ITPK1: variants seen among roughly 807,000 people sequenced by gnomAD.
The protein encoded by ITPK1 is inositol-tetrakisphosphate 1-kinase, also known as inositol 1,3,4-trisphosphate 5/6-kinase.
ITPK1 carries 21 observed loss-of-function variants against 45.3 expected under a neutral mutation model. That is an observed-to-expected ratio of 0.46 (90% CI 0.33 to 0.67). The LOEUF (loss-of-function observed/expected upper bound fraction) is 0.67. Among genes scored for constraint, ITPK1 ranks in the 30% least tolerant of loss-of-function variants. The pLI is 0.02. For synonymous variants in ITPK1, 258 were observed against 253.6 expected, an observed-to-expected ratio of 1.02 and a Z score of -0.16; for missense variants, 474 against 573.5, an observed-to-expected ratio of 0.83 and a Z score of 1.77.
chr14:93,032,515 C>T lies in ITPK1; in HGVS notation c.121-15714G>A, dbSNP rs575469306. On this transcript the variant is annotated intron_variant, in intron 3 of 10. Coordinates refer to ENST00000267615, the MANE Select transcript of ITPK1 (RefSeq NM_014216.6). This position sits in a 1 kb window ranked among gnomAD's most constrained non-coding sequence, Gnocchi z 4.0. ...TCAGATACTTTAATATGTTCACTTG[C>T]ACAGAGATTTGCAGAGAGGAAGAAG... Among the ~76,000 whole-genome samples the T allele has an allele frequency of 6.6e-6, 1 of 152,316 alleles. No individual in the cohort carries two copies. Among genetic ancestry groups the T allele is most frequent in the African/African-American group, 2.4e-5 (1 of 41,564 alleles).
intron 5 of ITPK1, among the ~76,000 whole-genome samples, chr14:92,972,891 C>A (rs1463295774): frequency 2.0e-5 from 3 of 152,326 alleles, no homozygotes; most frequent in Non-Finnish European, 2.9e-5. Flanking sequence ...GCGCCCAACT[C>A]TTCTCTGACC....
In ITPK1 at chr14:92,939,681, C is replaced by T. The variant is rs1400062574; in HGVS notation, c.*1880G>A. ...TCTGGGCCCTGGACGCGCAAGACCC[C>T]GGAGGCCACAAACGGTACAGGAACA... On this transcript the variant is annotated 3_prime_UTR_variant, in exon 11 of 11. Transcript: ENST00000267615. The T allele has an allele frequency of 2.8e-5, 28 of 985,242 alleles. No homozygotes were observed. Among genetic ancestry groups the T allele is most frequent in the South Asian group, 4.7e-5 (1 of 21,268 alleles). The allele number at this position is 985,242 out of a possible 1,614,324, so 61.0% of individuals were successfully genotyped here.
At chr14:93,033,893 GGA>G (rs2139896095) in intron 3 of ITPK1, among the ~76,000 whole-genome samples, 1 of 152,268 alleles carries the variant, frequency 6.6e-6, no homozygotes, top group South Asian at 2.1e-4. Flanking sequence ...ATGATGCAGG[GGA>G]GGAGACAGAA....
intron 2 of ITPK1, among the ~76,000 whole-genome samples, chr14:93,110,274 G>T (rs745535536): frequency 6.6e-6 from 1 of 152,094 alleles, no homozygotes; most frequent in Non-Finnish European, 1.5e-5. Flanking sequence ...TACTCCCTGT[G>T]CACTGCTGCA....
At chr14:93,029,895 C>G (rs565052934) in intron 3 of ITPK1, among the ~76,000 whole-genome samples, 6 of 152,360 alleles carry the variant, frequency 3.9e-5, no homozygotes, top group African/African-American at 1.4e-4. Flanking sequence ...CTTCGGTGCA[C>G]CACATCTGAC....
rs1399954267 is a variant in ITPK1 at position 92,940,610 on chromosome 14, G to A, written c.*951C>T. ...CATGGTGTCATGCCGAGGCTCCCGCGCCTATCCTCACCTAGGTGACTTTAT... is the reference window on the plus strand; with the variant it reads ...CATGGTGTCATGCCGAGGCTCCCGCACCTATCCTCACCTAGGTGACTTTAT... On this transcript the variant is annotated 3_prime_UTR_variant, in exon 11 of 11. Coordinates refer to ENST00000267615, the MANE Select transcript of ITPK1 (RefSeq NM_014216.6). The A allele has an allele frequency of 5.8e-6, 7 of 1,210,966 alleles. No individual in the cohort carries two copies. The South Asian group carries it at 7.4e-5, about 13-fold the overall frequency. The allele number at this position is 1,210,966 out of a possible 1,614,324, so 75.0% of individuals were successfully genotyped here.
At chr14:93,009,669 C>A (rs1042060625) in intron 4 of ITPK1, among the ~76,000 whole-genome samples, 1 of 152,206 alleles carries the variant, frequency 6.6e-6, no homozygotes, top group Non-Finnish European at 1.5e-5. Context: ...AGGCTGACCT[C>A]ACAGCAACCC....
chr14:93,085,524 A>T (rs1283094328), intron 2 of ITPK1, among the ~76,000 whole-genome samples: 2 of 152,316 alleles, frequency 1.3e-5, no homozygotes, highest in African/African-American at 4.8e-5. Flanking sequence ...AGAGAGACAG[A>T]GTGGGTGACC....
chr14:92,971,984 A>G (rs1387651380), intron 5 of ITPK1, among the ~76,000 whole-genome samples: 1 of 151,978 alleles, frequency 6.6e-6, no homozygotes, highest in African/African-American at 2.4e-5. Context: ...CAGCACCGCG[A>G]CCTCTTCCCA....
At chr14:92,993,726 T>G (rs562372915) in intron 5 of ITPK1, among the ~76,000 whole-genome samples, 154 bp downstream of exon 5, 10 of 152,098 alleles carry the variant, frequency 6.6e-5, no homozygotes, top group Non-Finnish European at 1.3e-4. Flanking sequence ...TGAAAGGACC[T>G]CCCCAGAATG....
chr14:92,995,785 G>C (rs1028448681), intron 4 of ITPK1, among the ~76,000 whole-genome samples: 2 of 152,230 alleles, frequency 1.3e-5, no homozygotes, highest in African/African-American at 4.8e-5. Flanking sequence ...GCCCAAGTCT[G>C]CCGCCCACAT....
Position 92,940,764 on chromosome 14 carries a change from C to T in ITPK1, c.*797G>A. On this transcript the variant is annotated 3_prime_UTR_variant, in exon 11 of 11. Coordinates refer to ENST00000267615, the MANE Select transcript of ITPK1 (RefSeq NM_014216.6). ...CTGGAATGATTTGCCCAAATCACAG[C>T]ACAAATCCTCAGCACAGGCGCCATC... 1 of 1,289,172 alleles carries T rather than the reference C, an allele frequency of 7.8e-7. No individual in the cohort carries two copies. The highest frequency in any genetic ancestry group is 1.0e-6 in the Non-Finnish European group (1 of 988,756). The allele number at this position is 1,289,172 out of a possible 1,614,324, so 79.9% of individuals were successfully genotyped here. A position where few individuals can be genotyped will look rare whatever the true frequency, so the allele number is the denominator to read the frequency against.
At chr14:93,037,693 TG>T (rs1201110086) in intron 3 of ITPK1, among the ~76,000 whole-genome samples, 2 of 152,212 alleles carry the variant, frequency 1.3e-5, no homozygotes, top group African/African-American at 4.8e-5. Flanking sequence ...GAGTGCCACC[TG>T]GGGCTCTAGG....
Position 93,032,522 on chromosome 14 carries a change from A to T in ITPK1, c.121-15721T>A, listed in dbSNP as rs1311643477. On this transcript the variant is annotated intron_variant, in intron 3 of 10. Coordinates refer to ENST00000267615, the MANE Select transcript of ITPK1 (RefSeq NM_014216.6). This position sits in a 1 kb window ranked among gnomAD's most constrained non-coding sequence, Gnocchi z 4.0. ...CTTTAATATGTTCACTTGCACAGAG[A>T]TTTGCAGAGAGGAAGAAGCTGACAC... is the stretch of plus-strand genomic sequence containing the variant. Among the ~76,000 whole-genome samples, 1 of 152,112 alleles carries T rather than the reference A, an allele frequency of 6.6e-6. No individual in the cohort carries two copies. Among genetic ancestry groups the T allele is most frequent in the Non-Finnish European group, 1.5e-5 (1 of 68,032 alleles).
In ITPK1 at chr14:92,989,323, C is replaced by A. The variant is rs559263653; in HGVS notation, c.364+4557G>T. ...CCATCTGTCACCCCCAGAGCAGACA[C>A]ATGGGAACTTCTAAGAGAAGAAGAA... On this transcript the variant is annotated intron_variant, in intron 5 of 10. Transcript: ENST00000267615. 3.3e-5 allele frequency among the ~76,000 whole-genome samples: 5 copies of A among 152,286 alleles called. No individual in the cohort carries two copies. In the South Asian group the frequency reaches 1.0e-3, roughly 32 times the overall value.
At chr14:93,021,037 T>G (rs1271151447) in intron 3 of ITPK1, among the ~76,000 whole-genome samples, 3 of 152,102 alleles carry the variant, frequency 2.0e-5, no homozygotes, top group Admixed American at 1.3e-4. Context: ...AAATGTCAGC[T>G]ATTGTATTTC....
rs1887304835 is a variant in ITPK1, at chr14:92,940,452, G to A, written c.*1109C>T. ...CTGAGGTGTGCAGAAGCGATGGGGG[G>A]CGGGTGGCTCCCTGGCACCTGCTGG... On this transcript the variant is annotated 3_prime_UTR_variant, in exon 11 of 11. Transcript: ENST00000267615. 8.9e-7 allele frequency: 1 copy of A among 1,119,638 alleles called. No homozygotes were observed. Among genetic ancestry groups the A allele is most frequent in the Non-Finnish European group, 1.1e-6 (1 of 906,718 alleles). 69.4% of individuals were successfully genotyped at this position (1,119,638 alleles called of 1,614,324 possible).
chr14:93,026,565 T>A (rs546015223), intron 3 of ITPK1, among the ~76,000 whole-genome samples: 1 of 152,304 alleles, frequency 6.6e-6, no homozygotes, highest in African/African-American at 2.4e-5. Flanking sequence ...GTTGGTAATA[T>A]CCATCACAAT....
intron 5 of ITPK1, among the ~76,000 whole-genome samples, chr14:92,984,549 A>C (rs1355852779): frequency 6.6e-6 from 1 of 152,216 alleles, no homozygotes; most frequent in African/African-American, 2.4e-5. Context: ...ATGAAATTCA[A>C]CACTGCCCCC....
Sources: allele counts gnomAD v4.1 joint callset (sites outside exome capture counted in the v4.1 genomes callset), GRCh38; gene constraint gnomAD v4.1.1; non-coding constraint Gnocchi (gnomAD v3.1); transcripts MANE v1.5; gene names NCBI Gene and HGNC (gene_info 2026-07-23, HGNC 2026-07-21).